KCNAB1: variants seen among roughly 807,000 people sequenced by gnomAD.
KCNAB1 encodes the protein voltage-gated potassium channel subunit beta-1.
In KCNAB1, 35 loss-of-function variants were observed where a neutral mutation model predicts 64.6. The ratio of observed to expected loss-of-function variants is 0.54; its 90% CI spans 0.41 to 0.72. KCNAB1 has a LOEUF of 0.72. KCNAB1 is among the 30% of genes least tolerant of loss of function. The pLI, the probability that KCNAB1 is intolerant of heterozygous loss-of-function variation, is 0.00. For missense variants in KCNAB1, 401 were observed against 512.9 expected (o/e 0.78, Z 2.11); for synonymous variants, 177 against 183.8 (o/e 0.96, Z 0.30).
intron 1 of KCNAB1, among the ~76,000 whole-genome samples, chr3:156,164,445 T>C (rs895379292): frequency 6.6e-6 from 1 of 152,206 alleles, no homozygotes; most frequent in African/African-American, 2.4e-5. Flanking sequence ...TAATTATTTG[T>C]GTACATGACC....
In KCNAB1 at chr3:156,536,653, C is replaced by T. The variant is rs995954074; in HGVS notation, c.1171-5C>T. 4 of 1,601,056 alleles carry T rather than the reference C, an allele frequency of 2.5e-6. No homozygotes were observed. The highest frequency in any genetic ancestry group is 1.3e-5 in the African/African-American group (1 of 74,784). On this transcript the variant is annotated splice_polypyrimidine_tract_variant and splice_region_variant and intron_variant, in intron 13 of 13. Coordinates refer to ENST00000490337, the MANE Select transcript of KCNAB1 (RefSeq NM_172160.3). ...TATCCTTTGTACTTCTCCTCCTGCT[C>T]TCAGGTTCTCCCAAAGATGACATCA...
At position 156,181,201 on chromosome 3, in the gene KCNAB1, G is replaced by A. The variant is rs189345378; in HGVS notation, c.275+60315G>A. 1.2e-4 allele frequency among the ~76,000 whole-genome samples: 18 copies of A among 152,260 alleles called. No individual in the cohort carries two copies. The East Asian group carries it at 3.5e-3, about 29-fold the overall frequency. On this transcript the variant is annotated intron_variant, in intron 1 of 13. Coordinates refer to ENST00000490337, the MANE Select transcript of KCNAB1 (RefSeq NM_172160.3). ...CACATTCTGACATACTGAGGATTAG[G>A]CCTTCAACATATGGGTTTTGAGAGG...
intron 2 of KCNAB1, among the ~76,000 whole-genome samples, chr3:156,429,847 CACAA>C (rs1333850492): frequency 2.6e-5 from 4 of 152,128 alleles, no homozygotes; most frequent in African/African-American, 9.7e-5. Context: ...TTCTGCATAA[CACAA>C]ACAGAGTGAA....
In KCNAB1 at chr3:156,440,755, A is replaced by T. The variant is rs1311863803; in HGVS notation, c.320-12144A>T. Among the ~76,000 whole-genome samples the T allele has an allele frequency of 2.6e-5, 4 of 152,166 alleles. No homozygotes were observed. The East Asian group carries it at 7.7e-4, about 29-fold the overall frequency. ...TTTCTTTAGGAAAAGGACATTACAG[A>T]TTTTTTTAAGCCGAAATCATTAACA... On this transcript the variant is annotated intron_variant, in intron 2 of 13. Transcript: ENST00000490337.
chr3:156,292,236 C>T (rs995873345), intron 1 of KCNAB1: 11 of 1,247,382 alleles, frequency 8.8e-6, no homozygotes, highest in Non-Finnish European at 1.2e-5. Context: ...GGGTTGCTCA[C>T]TTTAGAATTC....
intron 1 of KCNAB1, among the ~76,000 whole-genome samples, chr3:156,213,215 C>CT (rs5853744): frequency 0.69 from 98,492 of 142,852 alleles, 34,512 homozygotes; most frequent in East Asian, 0.89. Context: ...GTCTCTTTCA[C>CT]TTTTTTTTTT....
At chr3:156,137,681 G>T (rs879236933) in intron 1 of KCNAB1, among the ~76,000 whole-genome samples, 1 of 151,250 alleles carries the variant, frequency 6.6e-6, no homozygotes, top group Non-Finnish European at 1.5e-5. Flanking sequence ...AAGTAGCTGG[G>T]ATTACAGGCA....
chr3:156,522,388 C>T (rs557408269), intron 11 of KCNAB1, among the ~76,000 whole-genome samples: 16 of 152,230 alleles, frequency 1.1e-4, no homozygotes, highest in Admixed American at 3.9e-4. Context: ...AAGTCTGCCC[C>T]GGCCCCAAGG....
At chr3:156,195,679 G>C (rs1018774026) in intron 1 of KCNAB1, among the ~76,000 whole-genome samples, 1 of 152,144 alleles carries the variant, frequency 6.6e-6, no homozygotes, top group Admixed American at 6.5e-5. Flanking sequence ...TGTAGATTCT[G>C]GATATTAGCC....
At chr3:156,404,337 C>T (rs902481175) in intron 1 of KCNAB1, among the ~76,000 whole-genome samples, 5 of 151,946 alleles carry the variant, frequency 3.3e-5, no homozygotes, top group Non-Finnish European at 2.9e-5. Flanking sequence ...ATGCTTCAAC[C>T]GAGTTCTTAA....
At chr3:156,405,858 CAT>C (rs1714210817) in intron 1 of KCNAB1, among the ~76,000 whole-genome samples, 2 of 152,122 alleles carry the variant, frequency 1.3e-5, no homozygotes, top group Non-Finnish European at 2.9e-5. Flanking sequence ...TACTATGATC[CAT>C]ATTTTTGTAC....
At position 156,421,629 on chromosome 3, in the gene KCNAB1, T is replaced by C; in HGVS notation, c.289T>C (p.Ser97Pro). Residue 97 changes from serine (S) to proline (P), a missense_variant, in exon 2 of 14, where the codon TCA (serine) becomes CCA (proline). Transcript: ENST00000490337. ...TGMPHRNLGK[S>P]GLRVSCLGLG... Reference sequence around the variant, plus strand: ...TTTTTATTATAGGAATCTTGGAAAATCAGGACTCAGAGTTTCTTGCTTGGG... The same window carrying C: ...TTTTTATTATAGGAATCTTGGAAAACCAGGACTCAGAGTTTCTTGCTTGGG... 1 of 1,613,922 alleles carries C rather than the reference T, an allele frequency of 6.2e-7. No homozygotes were observed. Among genetic ancestry groups the C allele is most frequent in the Non-Finnish European group, 8.5e-7 (1 of 1,179,892 alleles).
chr3:156,414,925 T>G (rs1425217753), intron 1 of KCNAB1, among the ~76,000 whole-genome samples: 3 of 152,230 alleles, frequency 2.0e-5, no homozygotes, highest in Non-Finnish European at 2.9e-5. Flanking sequence ...CTGGTGATCA[T>G]GGAAACAGTT....
At chr3:156,413,524 T>C (rs1312584405) in intron 1 of KCNAB1, among the ~76,000 whole-genome samples, 4 of 152,188 alleles carry the variant, frequency 2.6e-5, no homozygotes, top group African/African-American at 9.7e-5. Flanking sequence ...TAGTTTCTAT[T>C]ATTATCCCCA....
intron 2 of KCNAB1, among the ~76,000 whole-genome samples, chr3:156,451,750 G>A (rs2108277243): frequency 6.6e-6 from 1 of 152,242 alleles, no homozygotes; most frequent in Admixed American, 6.5e-5. Flanking sequence ...GCCTGATGGT[G>A]TAGGCCCCTG....
intron 1 of KCNAB1, among the ~76,000 whole-genome samples, chr3:156,235,785 C>CT (rs533072336): frequency 3.8e-4 from 58 of 152,292 alleles, no homozygotes; most frequent in Non-Finnish European, 6.9e-4. Context: ...AGGGACAATC[C>CT]TTGAATTCTC....
intron 1 of KCNAB1, among the ~76,000 whole-genome samples, chr3:156,132,184 T>C (rs116722390): frequency 0.013 from 1,924 of 152,340 alleles, 23 homozygotes; most frequent in South Asian, 0.023. Context: ...ATTCCTTTAC[T>C]TTCAATGTTA....
chr3:156,224,072 G>A (rs889391163), intron 1 of KCNAB1, among the ~76,000 whole-genome samples: 12 of 152,222 alleles, frequency 7.9e-5, no homozygotes, highest in African/African-American at 2.9e-4. Context: ...GCCCCGTGGG[G>A]AGGCAGCTAA....
intron 8 of KCNAB1, among the ~76,000 whole-genome samples, chr3:156,491,446 A>G (rs992237657): frequency 5.3e-5 from 8 of 152,160 alleles, no homozygotes; most frequent in Non-Finnish European, 1.0e-4. Context: ...CTAAATTAAT[A>G]AAGCAATTGT....
Sources: allele counts gnomAD v4.1 joint callset (sites outside exome capture counted in the v4.1 genomes callset), GRCh38; gene constraint gnomAD v4.1.1; transcripts MANE v1.5; gene names NCBI Gene and HGNC (gene_info 2026-07-23, HGNC 2026-07-21).